Variants in HS3ST2 observed in about 807,000 individuals in gnomAD.
HS3ST2 encodes the protein heparan sulfate-glucosamine 3-sulfotransferase 2.
In HS3ST2, 17 loss-of-function variants were observed where a neutral mutation model predicts 26.3. That is an observed-to-expected ratio of 0.65 (90% CI 0.44 to 0.97). The LOEUF (loss-of-function observed/expected upper bound fraction) is 0.97. HS3ST2 is among the 50% of genes least tolerant of loss of function. HS3ST2 has a pLI of 0.00. For missense variants in HS3ST2, 402 were observed against 501.2 expected (o/e 0.80, Z 1.89); for synonymous variants, 237 against 219.2 (o/e 1.08, Z -0.72).
chr16:22,838,064 A>G (rs1000128957), intron 1 of HS3ST2, among the ~76,000 whole-genome samples: 6 of 152,192 alleles, frequency 3.9e-5, no homozygotes, highest in African/African-American at 1.4e-4. Flanking sequence ...AATATAAAGT[A>G]AACAATAGTG....
At chr16:22,901,885 T>C (rs769935998) in intron 1 of HS3ST2, among the ~76,000 whole-genome samples, 2 of 152,164 alleles carry the variant, frequency 1.3e-5, no homozygotes, top group Non-Finnish European at 2.9e-5. Flanking sequence ...AAAAATAGCT[T>C]TTCATTAGAT....
intron 1 of HS3ST2, among the ~76,000 whole-genome samples, chr16:22,910,001 C>G (rs1193371456): frequency 7.2e-6 from 1 of 138,170 alleles, no homozygotes; most frequent in Non-Finnish European, 1.5e-5. Context: ...TGTGCCATTG[C>G]ACTCCAACCT....
chr16:22,896,415 C>T (rs1902211580), intron 1 of HS3ST2, among the ~76,000 whole-genome samples: 1 of 152,200 alleles, frequency 6.6e-6, no homozygotes, highest in Non-Finnish European at 1.5e-5. Flanking sequence ...CCCACATAGC[C>T]ATCTTATATC....
intron 1 of HS3ST2, chr16:22,833,314 A>G (rs1433714889): frequency 2.2e-6 from 1 of 456,022 alleles, no homozygotes; most frequent in South Asian, 1.5e-5. Context: ...CGGTGCACAC[A>G]CTTGGGTGAT....
At chr16:22,901,597 A>G (rs1018794758) in intron 1 of HS3ST2, among the ~76,000 whole-genome samples, 5 of 152,236 alleles carry the variant, frequency 3.3e-5, no homozygotes, top group South Asian at 2.1e-4. Context: ...TTACCTCCAG[A>G]TAGTGTCCCA....
At chr16:22,885,929 G>A (rs1902053208) in intron 1 of HS3ST2, among the ~76,000 whole-genome samples, 1 of 152,148 alleles carries the variant, frequency 6.6e-6, no homozygotes, top group Admixed American at 6.5e-5. Flanking sequence ...CTCTCAGCCT[G>A]TCCCCAAGGG....
Position 22,814,978 on chromosome 16 carries a change from A to G in HS3ST2, c.368A>G (p.Lys123Arg). The G allele has an allele frequency of 6.2e-7, 1 of 1,612,928 alleles. No homozygotes were observed. The highest frequency in any genetic ancestry group is 8.5e-7 in the Non-Finnish European group (1 of 1,179,906). Residue 123 changes from lysine to arginine, a missense_variant, in exon 1 of 2, where the codon AAG (lysine) becomes AGG (arginine). This residue lies in a region of HS3ST2 where 237 missense variants were observed against 346.6 expected (regional missense o/e 0.68). Coordinates refer to ENST00000261374, the MANE Select transcript of HS3ST2 (RefSeq NM_006043.2). ...CCCCAAGCCCTCATTGTGGGCGTGA[A>G]GAAGGGGGGCACCCGGGCCGTGCTG... ...RLPQALIVGV[K>R]KGGTRAVLEF... is the part of the protein sequence containing the mutation.
intron 1 of HS3ST2, among the ~76,000 whole-genome samples, chr16:22,891,973 G>A (rs913220324): frequency 1.3e-5 from 2 of 152,108 alleles, no homozygotes; most frequent in African/African-American, 4.8e-5. Context: ...TTCAGGAAAA[G>A]TCATCAAGAA....
intron 1 of HS3ST2, among the ~76,000 whole-genome samples, chr16:22,847,709 C>T (rs561847344): frequency 2.7e-5 from 4 of 148,090 alleles, no homozygotes; most frequent in Non-Finnish European, 5.9e-5. Context: ...AGCTATTAAG[C>T]CATAGAGTCA....
chr16:22,846,052 T>C (rs1040518663), intron 1 of HS3ST2, among the ~76,000 whole-genome samples: 1 of 152,170 alleles, frequency 6.6e-6, no homozygotes, highest in African/African-American at 2.4e-5. Flanking sequence ...CCAAGGCAGG[T>C]GGATCACCTG....
chr16:22,900,582 G>C (rs955947148), intron 1 of HS3ST2, among the ~76,000 whole-genome samples: 1 of 152,088 alleles, frequency 6.6e-6, no homozygotes, highest in Non-Finnish European at 1.5e-5. Flanking sequence ...GACAACTGGT[G>C]AATGGTGGGG....
At chr16:22,893,717 A>G (rs947701470) in intron 1 of HS3ST2, among the ~76,000 whole-genome samples, 4 of 151,048 alleles carry the variant, frequency 2.6e-5, no homozygotes, top group African/African-American at 9.7e-5. Context: ...ACACAGGAAC[A>G]GAAAACCGAA....
intron 1 of HS3ST2, among the ~76,000 whole-genome samples, chr16:22,879,306 C>T (rs1901957517): frequency 6.6e-6 from 1 of 152,242 alleles, no homozygotes; most frequent in East Asian, 1.9e-4. Context: ...TTGTAGATGG[C>T]TTCCAGAGCT....
rs547768814 is a variant in HS3ST2, at chr16:22,828,028, C to T, written c.485+12933C>T. On this transcript the variant is annotated intron_variant, in intron 1 of 1. Coordinates refer to ENST00000261374, the MANE Select transcript of HS3ST2 (RefSeq NM_006043.2). Reference sequence around the variant, plus strand: ...AGCCCAAGTTCCTACTAAGGACTTGCTATCTTTCAGGCTCTTCCTTACAAG... The same window carrying T: ...AGCCCAAGTTCCTACTAAGGACTTGTTATCTTTCAGGCTCTTCCTTACAAG... 4.2e-4 allele frequency among the ~76,000 whole-genome samples: 64 copies of T among 152,160 alleles called. 1 individual carries two copies. The highest frequency in any genetic ancestry group is 1.5e-3 in the African/African-American group (61 of 41,532).
At chr16:22,851,634 C>T (rs972305787) in intron 1 of HS3ST2, among the ~76,000 whole-genome samples, 9 of 152,308 alleles carry the variant, frequency 5.9e-5, no homozygotes, top group East Asian at 5.8e-4. Context: ...AGTTTCCCAT[C>T]TCCTAGTTGT....
At chr16:22,883,488 G>A (rs1291000174) in intron 1 of HS3ST2, among the ~76,000 whole-genome samples, 1 of 152,232 alleles carries the variant, frequency 6.6e-6, no homozygotes, top group Non-Finnish European at 1.5e-5. Flanking sequence ...GCTATGTAGG[G>A]TGGGTAGGAA....
rs3078722 is a variant in HS3ST2, at chr16:22,855,696, GTCTCTCTCTCTCTC to G, written c.485+40621_485+40634del. Among the ~76,000 whole-genome samples, 6 of 143,050 alleles carry G rather than the reference GTCTCTCTCTCTCTC, an allele frequency of 4.2e-5. No individual in the cohort carries two copies. The East Asian group carries it at 1.1e-3, about 25-fold the overall frequency. 93.8% of individuals were successfully genotyped at this position (143,050 alleles called of 152,430 possible). On this transcript the variant is annotated intron_variant, in intron 1 of 1. Coordinates refer to ENST00000261374, the MANE Select transcript of HS3ST2 (RefSeq NM_006043.2). ...TCTCTGTCTGTCTCTCTGTCTCTCT[GTCTCTCTCTCTCTC>G]TCTCTCTCTCTCTCTCTCTTTCTCC...
chr16:22,834,599 G>A (rs976774262), intron 1 of HS3ST2, among the ~76,000 whole-genome samples: 1 of 152,012 alleles, frequency 6.6e-6, no homozygotes, highest in East Asian at 1.9e-4. Context: ...AAGGACAGCA[G>A]CAAGTATCGT....
chr16:22,844,871 T>C (rs567207333), intron 1 of HS3ST2, among the ~76,000 whole-genome samples: 21 of 152,114 alleles, frequency 1.4e-4, no homozygotes, highest in Admixed American at 7.9e-4. Flanking sequence ...TTTTTTTTTT[T>C]TGAGATGGAG....
Sources: allele counts gnomAD v4.1 joint callset (sites outside exome capture counted in the v4.1 genomes callset), GRCh38; gene constraint gnomAD v4.1.1; regional missense constraint gnomAD v4.1.1; transcripts MANE v1.5; gene names NCBI Gene and HGNC (gene_info 2026-07-23, HGNC 2026-07-21).